The following DAPP1 variants were observed in gnomAD, a reference collection of about 807,000 sequenced individuals.
DAPP1 encodes dual adaptor of phosphotyrosine and 3-phosphoinositides 1.
In DAPP1, 20 loss-of-function variants were observed where a neutral mutation model predicts 41.5. The ratio of observed to expected loss-of-function variants is 0.48; its 90% confidence interval spans 0.34 to 0.70. DAPP1 has a LOEUF of 0.70. DAPP1 is among the 30% of genes least tolerant of loss of function. The pLI, the probability that DAPP1 is intolerant of heterozygous loss-of-function variation, is 0.01. For synonymous variants in DAPP1, 113 were observed against 116.2 expected (o/e 0.97, Z 0.18); for missense variants, 233 against 333.4 (o/e 0.70, Z 2.35).
chr4:99,820,658 A>G (rs1285751736), intron 1 of DAPP1, among the ~76,000 whole-genome samples: 1 of 152,240 alleles, frequency 6.6e-6, no homozygotes, highest in Non-Finnish European at 1.5e-5. Flanking sequence ...TTTAGAGTAG[A>G]CCATGGAGCA....
chr4:99,847,211 T>G (rs1723694794), intron 3 of DAPP1, among the ~76,000 whole-genome samples: 1 of 152,220 alleles, frequency 6.6e-6, no homozygotes, highest in Non-Finnish European at 1.5e-5. Flanking sequence ...CTGACCTCAC[T>G]GCATAAAATA....
intron 1 of DAPP1, among the ~76,000 whole-genome samples, chr4:99,824,401 C>T (rs931976776): frequency 2.6e-5 from 4 of 152,212 alleles, no homozygotes; most frequent in African/African-American, 9.6e-5. Context: ...GCATTCATCA[C>T]TTTCAGACTC....
At chr4:99,830,341 C>A (rs1414960551) in intron 1 of DAPP1, among the ~76,000 whole-genome samples, 2 of 152,072 alleles carry the variant, frequency 1.3e-5, no homozygotes, top group African/African-American at 2.4e-5. Flanking sequence ...CAAGATCATA[C>A]CACTGTACTC....
intron 4 of DAPP1, among the ~76,000 whole-genome samples, chr4:99,857,687 T>C (rs982884254): frequency 2.1e-5 from 3 of 142,710 alleles, no homozygotes; most frequent in Non-Finnish European, 3.1e-5. Flanking sequence ...AAAAAAAAAG[T>C]ATATGTATGT....
At chr4:99,870,893 T>C (rs1441690453), downstream of DAPP1, among the ~76,000 whole-genome samples, 1 of 152,182 alleles carries the variant, frequency 6.6e-6, no homozygotes, top group Non-Finnish European at 1.5e-5. Context: ...ATTGTTCAAC[T>C]TCACAATGGG....
chr4:99,840,227 AT>A, intron 2 of DAPP1, 61 bp from the exon 3 acceptor site: 6 of 1,191,304 alleles, frequency 5.0e-6, no homozygotes, highest in Non-Finnish European at 5.8e-6. Context: ...CTGAGATCAT[AT>A]TTCCCTTCAA....
At chr4:99,850,841 C>T (rs1349161594) in intron 3 of DAPP1, among the ~76,000 whole-genome samples, 1 of 138,588 alleles carries the variant, frequency 7.2e-6, no homozygotes, top group Non-Finnish European at 1.6e-5. Context: ...ATAATAATAT[C>T]TAATATGTTA....
In DAPP1 at chr4:99,868,143, A is replaced by G; in HGVS notation, c.801A>G (p.Gln267=). 1 of 1,613,942 alleles carries G rather than the reference A, an allele frequency of 6.2e-7. No individual in the cohort carries two copies. Among genetic ancestry groups the G allele is most frequent in the South Asian group, 1.1e-5 (1 of 91,080 alleles). The change falls in exon 9 of 9, where the codon CAA becomes CAG. Residue 267 remains glutamine (Q), a synonymous_variant. Transcript: ENST00000512369. The part of the protein sequence containing the change: ...KLSQIRKQLN[Q]GEGTIRSRSF... ...CACAAATAAGAAAACAGCTCAACCA[A>G]GGGGAAGGCACGATCCGATCTCGGT...
At chr4:99,838,344 A>G (rs1471559322) in intron 2 of DAPP1, among the ~76,000 whole-genome samples, 2 of 152,198 alleles carry the variant, frequency 1.3e-5, no homozygotes, top group Admixed American at 6.5e-5. Context: ...CAGGAGAATG[A>G]CTATTTTTGT....
At chr4:99,818,818 G>T (rs1722677161) in intron 1 of DAPP1, among the ~76,000 whole-genome samples, 1 of 152,186 alleles carries the variant, frequency 6.6e-6, no homozygotes, top group Non-Finnish European at 1.5e-5. Context: ...CTACAGTCCT[G>T]GTTCTTGACC....
chr4:99,863,092 AT>A lies in DAPP1; in HGVS notation c.600+25del. 1 of 1,512,068 alleles carries A rather than the reference AT, an allele frequency of 6.6e-7. No homozygotes were observed. Among genetic ancestry groups the A allele is most frequent in the Non-Finnish European group, 8.9e-7 (1 of 1,125,732 alleles). 93.7% of individuals were successfully genotyped at this position (1,512,068 alleles called of 1,614,324 possible). A position where few individuals can be genotyped will look rare whatever the true frequency, so the allele number is the denominator to read the frequency against. On this transcript the variant is annotated intron_variant, in intron 6 of 8. Coordinates refer to ENST00000512369, the MANE Select transcript of DAPP1 (RefSeq NM_014395.3). ...CAGATGGTGAGAAACATGATAATATATTTTTCCTTTAAAAATCAATTCTCTA... is the reference window on the plus strand; with the variant it reads ...CAGATGGTGAGAAACATGATAATATATTTTCCTTTAAAAATCAATTCTCTA...
intron 1 of DAPP1, among the ~76,000 whole-genome samples, chr4:99,818,768 T>C (rs534252319): frequency 6.6e-6 from 1 of 152,362 alleles, no homozygotes; most frequent in East Asian, 1.9e-4. Context: ...GGATGATTTC[T>C]ATAGCAATGG....
chr4:99,818,839 T>G (rs1722677637), intron 1 of DAPP1, among the ~76,000 whole-genome samples: 1 of 152,240 alleles, frequency 6.6e-6, no homozygotes, highest in Non-Finnish European at 1.5e-5. Flanking sequence ...TTGGCTGTGC[T>G]CTGGAACATC....
intron 1 of DAPP1, among the ~76,000 whole-genome samples, chr4:99,822,495 T>C (rs1004699747): frequency 3.7e-4 from 57 of 152,168 alleles, no homozygotes; most frequent in African/African-American, 1.4e-3. Flanking sequence ...GGAGCTGATA[T>C]GATTTTTGTC....
intron 4 of DAPP1, among the ~76,000 whole-genome samples, chr4:99,859,361 A>T (rs1364088607): frequency 6.6e-6 from 1 of 152,214 alleles, no homozygotes; most frequent in South Asian, 2.1e-4. Context: ...GTACTCTAGA[A>T]ATCGACATCT....
chr4:99,822,143 C>T (rs1163579139), intron 1 of DAPP1, among the ~76,000 whole-genome samples: 1 of 152,148 alleles, frequency 6.6e-6, no homozygotes, highest in Non-Finnish European at 1.5e-5. Context: ...AGTGAATTTC[C>T]TCTTCAGTTG....
chr4:99,837,392 G>A (rs1241216792), intron 2 of DAPP1, among the ~76,000 whole-genome samples: 2 of 152,168 alleles, frequency 1.3e-5, no homozygotes, highest in Non-Finnish European at 2.9e-5. Flanking sequence ...TGAAGTGGGT[G>A]GGTGTGCGAA....
intron 1 of DAPP1, among the ~76,000 whole-genome samples, chr4:99,832,370 A>G (rs1465518): frequency 0.36 from 54,687 of 152,146 alleles, 10,672 homozygotes; most frequent in African/African-American, 0.52. Flanking sequence ...CACTCCCCTG[A>G]AAGAAATGCT....
chr4:99,839,417 T>G (rs988252208), intron 2 of DAPP1, among the ~76,000 whole-genome samples: 3 of 149,000 alleles, frequency 2.0e-5, no homozygotes, highest in Admixed American at 1.3e-4. Flanking sequence ...GATATATATA[T>G]AGATATATAT....
Sources: gnomAD v4.1 joint callset for allele counts (sites outside exome capture counted in the v4.1 genomes callset) on GRCh38, gnomAD v4.1.1 for gene constraint, MANE v1.5 for transcripts, NCBI Gene and HGNC (gene_info 2026-07-23, HGNC 2026-07-21) for gene names.